HSD17B4: variants seen among roughly 807,000 people sequenced by gnomAD.
The protein encoded by HSD17B4 is peroxisomal multifunctional enzyme type 2.
HSD17B4 carries 70 observed loss-of-function variants against 101.0 expected under a neutral mutation model. The observed-to-expected ratio is 0.69, with a 90% CI of 0.57 to 0.85. The LOEUF (loss-of-function observed/expected upper bound fraction) is 0.85. HSD17B4 is among the 40% of genes least tolerant of loss of function. The pLI is 0.00. For synonymous variants in HSD17B4, 347 were observed against 297.1 expected (o/e 1.17, Z -1.73); for missense variants, 984 against 892.4 (o/e 1.10, Z -1.31).
chr5:119,510,671 T>C (rs7702730), intron 16 of HSD17B4, among the ~76,000 whole-genome samples: 322 of 152,338 alleles, frequency 2.1e-3, no homozygotes, highest in African/African-American at 7.3e-3. Flanking sequence ...AAGAAACATT[T>C]ATTCAAGAAA....
chr5:119,523,302 T>C (rs1414107929), intron 17 of HSD17B4, among the ~76,000 whole-genome samples: 7 of 152,168 alleles, frequency 4.6e-5, no homozygotes, highest in African/African-American at 1.7e-4. Flanking sequence ...CAAAATAATA[T>C]ATAGCTATTT....
At chr5:119,522,036 G>A (rs556728770) in intron 17 of HSD17B4, among the ~76,000 whole-genome samples, 18 of 151,730 alleles carry the variant, frequency 1.2e-4, no homozygotes, top group Non-Finnish European at 2.2e-4. Flanking sequence ...TGCTGCACCC[G>A]TTAACTCGTC....
intron 2 of HSD17B4, chr5:119,471,798 T>C (rs1221541117): frequency 1.4e-5 from 9 of 639,578 alleles, no homozygotes; most frequent in Non-Finnish European, 2.4e-5. Context: ...TTTTCATAAA[T>C]TATTGTGTAA....
intron 13 of HSD17B4, among the ~76,000 whole-genome samples, chr5:119,501,397 G>GTGTA (rs1491359728): frequency 2.6e-5 from 4 of 151,266 alleles, no homozygotes; most frequent in Admixed American, 2.6e-4. Context: ...GATCATTTGA[G>GTGTA]TGTATGCTTC....
intron 8 of HSD17B4, 48 bp from the exon 9 acceptor site, chr5:119,489,144 T>G (rs769015017): frequency 7.8e-7 from 1 of 1,288,084 alleles, no homozygotes; most frequent in Non-Finnish European, 1.1e-6. Flanking sequence ...TAAGAAATTC[T>G]TAGAAAGTAA....
chr5:119,510,771 C>T (rs1322565045), intron 16 of HSD17B4, among the ~76,000 whole-genome samples: 2 of 152,170 alleles, frequency 1.3e-5, no homozygotes, highest in Non-Finnish European at 2.9e-5. Flanking sequence ...CTGAGCATGA[C>T]AGAAACTGTA....
chr5:119,537,668 A>G (rs191934880), intron 23 of HSD17B4, among the ~76,000 whole-genome samples: 21 of 152,310 alleles, frequency 1.4e-4, no homozygotes, highest in African/African-American at 4.8e-4. Flanking sequence ...GTAAAGGGTT[A>G]CACAGTAAAT....
intron 23 of HSD17B4, among the ~76,000 whole-genome samples, chr5:119,538,836 A>G (rs929309795): frequency 1.3e-5 from 2 of 152,154 alleles, no homozygotes; most frequent in Non-Finnish European, 2.9e-5. Context: ...TTCTGATAAC[A>G]TCCTGTTTTC....
chr5:119,484,149 A>G (rs899008909), intron 8 of HSD17B4, among the ~76,000 whole-genome samples: 1 of 152,194 alleles, frequency 6.6e-6, no homozygotes, highest in Non-Finnish European at 1.5e-5. Context: ...TCGAGGCTAC[A>G]GTGAGCTACG....
chr5:119,521,142 A>G (rs986662182), intron 17 of HSD17B4, among the ~76,000 whole-genome samples: 6 of 152,154 alleles, frequency 3.9e-5, no homozygotes, highest in Non-Finnish European at 8.8e-5. Flanking sequence ...CTTTAAAACT[A>G]TTTACCCTAG....
intron 20 of HSD17B4, among the ~76,000 whole-genome samples, chr5:119,528,963 C>A (rs924442574): frequency 1.3e-5 from 2 of 151,984 alleles, no homozygotes; most frequent in African/African-American, 4.8e-5. Flanking sequence ...ACATTTTAAA[C>A]CAGTGTTTTA....
Position 119,456,559 on chromosome 5 carries a change from C to T in HSD17B4, c.112+191C>T, listed in dbSNP as rs1754691278. On this transcript the variant is annotated intron_variant, in intron 2 of 23. Transcript: ENST00000510025. ...TACTTTTAAAAGGGAACCAGTTTCA[C>T]AGAATTCCCAGCTTAACAGAATTGA... The T allele has an allele frequency of 1.2e-5, 7 of 588,564 alleles. No homozygotes were observed. The South Asian group carries it at 1.4e-4, about 12-fold the overall frequency. 36.5% of individuals were successfully genotyped at this position (588,564 alleles called of 1,614,324 possible). A position where few individuals can be genotyped will look rare whatever the true frequency, so the allele number is the denominator to read the frequency against.
At chr5:119,465,999 T>C (rs1755771276) in intron 2 of HSD17B4, among the ~76,000 whole-genome samples, 3 of 152,202 alleles carry the variant, frequency 2.0e-5, no homozygotes, top group Admixed American at 1.3e-4. Flanking sequence ...GTACATTCCT[T>C]CTGTACCTAA....
intron 21 of HSD17B4, 119 bp downstream of exon 21, chr5:119,530,099 T>G (rs376197438): frequency 7.2e-5 from 52 of 723,164 alleles, no homozygotes; most frequent in East Asian, 6.0e-4. Flanking sequence ...TTCTTAATTC[T>G]TGAAGTGAAA....
chr5:119,506,092 G>A (rs942897084), intron 14 of HSD17B4, among the ~76,000 whole-genome samples: 2 of 152,026 alleles, frequency 1.3e-5, no homozygotes, highest in African/African-American at 4.8e-5. Flanking sequence ...AGGTATACAC[G>A]TGCCATGGTG....
chr5:119,519,857 C>T (rs752068231), intron 17 of HSD17B4, among the ~76,000 whole-genome samples: 1 of 152,168 alleles, frequency 6.6e-6, no homozygotes, highest in Non-Finnish European at 1.5e-5. Flanking sequence ...TAAACGATCA[C>T]AGTATGATAC....
intron 9 of HSD17B4, among the ~76,000 whole-genome samples, chr5:119,490,195 T>C (rs1749976426): frequency 6.6e-6 from 1 of 152,164 alleles, no homozygotes; most frequent in South Asian, 2.1e-4. Flanking sequence ...TGAGCAGATA[T>C]ATGCACCTCC....
chr5:119,536,137 G>C (rs1431187658), intron 22 of HSD17B4: 5 of 381,972 alleles, frequency 1.3e-5, no homozygotes, highest in Non-Finnish European at 2.0e-5. Context: ...TGATCTTATA[G>C]GTGTCTATAA....
chr5:119,456,249 G>A, intron 1 of HSD17B4, 66 bp from the exon 2 acceptor site: 1 of 1,011,732 alleles, frequency 9.9e-7, no homozygotes, highest in Non-Finnish European at 1.6e-6. Flanking sequence ...TGGGGATTGA[G>A]TTGAGCGGAC....
Sources: allele counts gnomAD v4.1 joint callset (sites outside exome capture counted in the v4.1 genomes callset), GRCh38; gene constraint gnomAD v4.1.1; transcripts MANE v1.5; gene names NCBI Gene and HGNC (gene_info 2026-07-23, HGNC 2026-07-21).